Variants in QSOX1 observed in about 807,000 individuals in gnomAD.
QSOX1 encodes sulfhydryl oxidase 1.
In QSOX1, 40 loss-of-function variants were observed where a neutral mutation model predicts 76.1. The observed-to-expected ratio is 0.53, with a 90% confidence interval of 0.41 to 0.68. The LOEUF (loss-of-function observed/expected upper bound fraction) is 0.68. QSOX1 is among the 30% of genes least tolerant of loss of function. QSOX1 has a pLI of 0.00. For missense variants in QSOX1, 931 were observed against 974.3 expected (o/e 0.96, Z 0.59); for synonymous variants, 392 against 413.1 (o/e 0.95, Z 0.62).
In QSOX1 at chr1:180,197,475, C is replaced by T; in HGVS notation, c.*438C>T. The stretch of plus-strand genomic sequence containing the variant: ...GAACTCCTCACTAGCTGCTGGGGCT[C>T]CGCCCACCCTGCTCCCTTCCGGACA... On this transcript the variant is annotated 3_prime_UTR_variant, in exon 12 of 12. Coordinates refer to ENST00000367602, the MANE Select transcript of QSOX1 (RefSeq NM_002826.5). 7.4e-7 allele frequency: 1 copy of T among 1,349,950 alleles called. No homozygotes were observed. Among genetic ancestry groups the T allele is most frequent in the Admixed American group, 1.8e-5 (1 of 57,088 alleles). 83.6% of individuals were successfully genotyped at this position (1,349,950 alleles called of 1,614,324 possible).
At chr1:180,160,531 A>G (rs571696881) in intron 1 of QSOX1, among the ~76,000 whole-genome samples, 114 of 152,256 alleles carry the variant, frequency 7.5e-4, no homozygotes, top group Non-Finnish European at 1.5e-3. Context: ...TTGGTCATGT[A>G]AAGATCTGGG....
chr1:180,183,312 A>T (rs1243387924), intron 6 of QSOX1, among the ~76,000 whole-genome samples: 2 of 152,134 alleles, frequency 1.3e-5, no homozygotes, highest in Non-Finnish European at 2.9e-5. Context: ...GTGAGAGGGA[A>T]TATGCACTCA....
At chr1:180,195,982 G>A (rs777309512) in intron 11 of QSOX1, among the ~76,000 whole-genome samples, 58 of 152,188 alleles carry the variant, frequency 3.8e-4, no homozygotes, top group Non-Finnish European at 6.5e-4. Context: ...CCAACACCGG[G>A]AAATGACTGA....
chr1:180,169,999 G>T (rs1025891676), intron 2 of QSOX1, among the ~76,000 whole-genome samples: 1 of 152,206 alleles, frequency 6.6e-6, no homozygotes, highest in African/African-American at 2.4e-5. Flanking sequence ...ATAGGCAGGC[G>T]AGAAGGTGAG....
intron 1 of QSOX1, 41 bp from the exon 2 acceptor site, chr1:180,166,450 C>T (rs1352434647): frequency 6.6e-7 from 1 of 1,513,922 alleles, no homozygotes; most frequent in African/African-American, 1.4e-5. Flanking sequence ...AGAGGGGGTA[C>T]CAGCCCCTCT....
At chr1:180,191,338 G>C (rs567543258) in intron 10 of QSOX1, among the ~76,000 whole-genome samples, 1 of 152,230 alleles carries the variant, frequency 6.6e-6, no homozygotes, top group Non-Finnish European at 1.5e-5. Context: ...GGGGTGAAGA[G>C]AGGGCAGGCT....
At chr1:180,189,046 G>T (rs1663242457) in intron 8 of QSOX1, among the ~76,000 whole-genome samples, 1 of 152,226 alleles carries the variant, frequency 6.6e-6, no homozygotes. Context: ...CCCTGGCCTG[G>T]CTGGTCCTCA....
chr1:180,158,122 T>A (rs1160781312), intron 1 of QSOX1, among the ~76,000 whole-genome samples: 1 of 152,188 alleles, frequency 6.6e-6, no homozygotes, highest in African/African-American at 2.4e-5. Flanking sequence ...TTAAAACAGG[T>A]AAGTAACTTT....
intron 10 of QSOX1, among the ~76,000 whole-genome samples, chr1:180,194,011 T>G (rs1242188219): frequency 2.0e-5 from 3 of 151,700 alleles, no homozygotes; most frequent in Non-Finnish European, 4.4e-5. Flanking sequence ...TTTGGGGGGA[T>G]GGGGTCTCCT....
chr1:180,188,562 G>T (rs1663230332), intron 8 of QSOX1, among the ~76,000 whole-genome samples: 1 of 152,228 alleles, frequency 6.6e-6, no homozygotes, highest in Non-Finnish European at 1.5e-5. Flanking sequence ...TCACCAGGAG[G>T]GCACGTGTCA....
At chr1:180,156,193 T>C (rs1662373511) in intron 1 of QSOX1, among the ~76,000 whole-genome samples, 1 of 152,234 alleles carries the variant, frequency 6.6e-6, no homozygotes, top group Non-Finnish European at 1.5e-5. Flanking sequence ...CATAGTTTCC[T>C]TTCCACAATT....
intron 1 of QSOX1, among the ~76,000 whole-genome samples, chr1:180,166,141 C>T (rs1662612647): frequency 6.7e-6 from 1 of 148,276 alleles, no homozygotes; most frequent in African/African-American, 2.5e-5. Context: ...AGGGCTTTTC[C>T]TGGGGGGTGG....
Position 180,197,896 on chromosome 1 carries a change from G to A in QSOX1, c.*859G>A. The stretch of plus-strand genomic sequence containing the variant: ...CCAGGTAGAAGCTAGGGAGGGGAGT[G>A]TCTTCTCTCTCCAGGTTTCACCTTC... On this transcript the variant is annotated 3_prime_UTR_variant, in exon 12 of 12. Coordinates refer to ENST00000367602, the MANE Select transcript of QSOX1 (RefSeq NM_002826.5). 1 of 309,894 alleles carries A rather than the reference G, an allele frequency of 3.2e-6. No individual in the cohort carries two copies. Among genetic ancestry groups the A allele is most frequent in the Non-Finnish European group, 6.4e-6 (1 of 156,130 alleles). 19.2% of individuals were successfully genotyped at this position (309,894 alleles called of 1,614,324 possible). A position where few individuals can be genotyped will look rare whatever the true frequency, so the allele number is the denominator to read the frequency against.
At chr1:180,174,563 T>G (rs1024217163) in intron 2 of QSOX1, among the ~76,000 whole-genome samples, 1 of 152,140 alleles carries the variant, frequency 6.6e-6, no homozygotes, top group African/African-American at 2.4e-5. Context: ...CACATTGACA[T>G]AGAAGCAAGC....
Position 180,197,528 on chromosome 1 carries a change from A to G in QSOX1, c.*491A>G. The stretch of plus-strand genomic sequence containing the variant: ...GAAGAAGCCTTTGCACCCTGGGAGG[A>G]AGGACCACCCCGGGCCCTCTATGCC... On this transcript the variant is annotated 3_prime_UTR_variant, in exon 12 of 12. Transcript: ENST00000367602. The G allele has an allele frequency of 1.1e-6, 1 of 887,956 alleles. No homozygotes were observed. The highest frequency in any genetic ancestry group is 1.7e-6 in the Non-Finnish European group (1 of 580,538). The allele number at this position is 887,956 out of a possible 1,614,324, so 55.0% of individuals were successfully genotyped here.
chr1:180,194,152 G>A (rs971809998), intron 10 of QSOX1, 61 bp from the exon 11 acceptor site: 24 of 1,509,032 alleles, frequency 1.6e-5, no homozygotes, highest in African/African-American at 4.1e-5. Context: ...GCCTGGGGAG[G>A]CAACGGCTGT....
At chr1:180,178,236 T>TAAAA (rs1662945462) in intron 4 of QSOX1, among the ~76,000 whole-genome samples, 1 of 152,122 alleles carries the variant, frequency 6.6e-6, no homozygotes, top group African/African-American at 2.4e-5. Context: ...CGACTCTTTT[T>TAAAA]GTTTGTTTGT....
rs1663656646 is a variant in QSOX1, at chr1:180,202,553, G to A, written c.*5516G>A. The A allele has an allele frequency of 6.6e-6, 1 of 151,964 alleles. No homozygotes were observed. The highest frequency in any genetic ancestry group is 1.5e-5 in the Non-Finnish European group (1 of 68,022). The allele number at this position is 151,964 out of a possible 1,614,324, so 9.4% of individuals were successfully genotyped here. A position where few individuals can be genotyped will look rare whatever the true frequency, so the allele number is the denominator to read the frequency against. Reference sequence around the variant, plus strand: ...CCAATGGTTACAGAGTTCTGCCCTGGGGAGGGAGGAATTGCTTAGCAAATG... The same window carrying A: ...CCAATGGTTACAGAGTTCTGCCCTGAGGAGGGAGGAATTGCTTAGCAAATG... On this transcript the variant is annotated 3_prime_UTR_variant, in exon 12 of 12. Coordinates refer to ENST00000367602, the MANE Select transcript of QSOX1 (RefSeq NM_002826.5).
In QSOX1 at chr1:180,169,336, G is replaced by A. The variant is rs554288910; in HGVS notation, c.366+2745G>A. On this transcript the variant is annotated intron_variant, in intron 2 of 11. Coordinates refer to ENST00000367602, the MANE Select transcript of QSOX1 (RefSeq NM_002826.5). ...ACTTTTTATGGCCGAAGGCCTGGCC[G>A]GAGCAAGGGGTACACAGCACAGCAG... 6.6e-5 allele frequency among the ~76,000 whole-genome samples: 10 copies of A among 151,882 alleles called. No individual in the cohort carries two copies. In the South Asian group the frequency reaches 1.2e-3, roughly 19 times the overall value.
Sources: gnomAD v4.1 joint callset for allele counts (sites outside exome capture counted in the v4.1 genomes callset) on GRCh38, gnomAD v4.1.1 for gene constraint, MANE v1.5 for transcripts, NCBI Gene and HGNC (gene_info 2026-07-23, HGNC 2026-07-21) for gene names.